Variants in MAP3K1 observed in about 807,000 individuals in gnomAD.
The protein encoded by MAP3K1 is MAP/ERK kinase kinase 1.
Under a neutral mutation model 144.2 loss-of-function variants are expected in MAP3K1, and 36 were observed. That is an observed-to-expected ratio of 0.25 (90% CI 0.19 to 0.33). The LOEUF (loss-of-function observed/expected upper bound fraction) is 0.33. Among genes scored for constraint, MAP3K1 ranks in the 10% least tolerant of loss-of-function variants. MAP3K1 has a pLI of 1.00. For synonymous variants in MAP3K1, 718 were observed against 688.7 expected (o/e 1.04, Z -0.67); for missense variants, 1,650 against 1,881.9 (o/e 0.88, Z 2.28).
chr5:56,893,525 C>G lies in MAP3K1; in HGVS notation c.4390-6C>G. The G allele has an allele frequency of 6.2e-7, 1 of 1,613,726 alleles. No individual in the cohort carries two copies. Among genetic ancestry groups the G allele is most frequent in the Non-Finnish European group, 8.5e-7 (1 of 1,179,724 alleles). ...CAAAGCTTCAACACTGGCTTTTTCT[C>G]CACAGATTGCTAGTGCAACTACTGC... On this transcript the variant is annotated splice_region_variant and splice_polypyrimidine_tract_variant and intron_variant, in intron 19 of 19. Transcript: ENST00000399503.
intron 1 of MAP3K1, among the ~76,000 whole-genome samples, chr5:56,841,135 C>T (rs1263766291): frequency 6.6e-6 from 1 of 150,738 alleles, no homozygotes; most frequent in Non-Finnish European, 1.5e-5. Flanking sequence ...GAGGCCAAGG[C>T]AGGCAGATCA....
chr5:56,820,980 G>A (rs1201170683), intron 1 of MAP3K1, among the ~76,000 whole-genome samples: 4 of 151,968 alleles, frequency 2.6e-5, no homozygotes, highest in African/African-American at 9.7e-5. Flanking sequence ...TTTCTTCCAA[G>A]GGAAAATTAA....
Position 56,881,144 on chromosome 5 carries a change from A to C in MAP3K1, c.2241A>C (p.Glu747Asp). Residue 747 changes from glutamate to aspartate, a missense_variant, in exon 13 of 20, where the codon GAA becomes GAC. Transcript: ENST00000399503. ...ATTGTATTCTTGGAAACCAAACTGA[A>C]TCAAACAATTGGCAAGAACTTCTTG... ...VLNCILGNQT[E>D]SNNWQELLGR... The C allele has an allele frequency of 6.2e-7, 1 of 1,613,884 alleles. No homozygotes were observed. The highest frequency in any genetic ancestry group is 1.1e-5 in the South Asian group (1 of 91,068).
intron 1 of MAP3K1, among the ~76,000 whole-genome samples, chr5:56,850,165 A>AGGTC (rs1208671229): frequency 6.6e-6 from 1 of 152,180 alleles, no homozygotes; most frequent in Admixed American, 6.5e-5. Context: ...TTGTTTTGGA[A>AGGTC]GGTCGTTCCT....
At position 56,861,590 on chromosome 5, in the gene MAP3K1, A is replaced by AGG. The variant is rs149128894; in HGVS notation, c.834+1678_834+1679dup. On this transcript the variant is annotated intron_variant, in intron 3 of 19. Coordinates refer to ENST00000399503, the MANE Select transcript of MAP3K1 (RefSeq NM_005921.2). Reference sequence around the variant, plus strand: ...TCCTAAAAAAAAAAAAAAAAAAAAAAGGGGCTATTAAAATACTCCTTCCTT... The same window carrying AGG: ...TCCTAAAAAAAAAAAAAAAAAAAAAAGGGGGGCTATTAAAATACTCCTTCCTT... Among the ~76,000 whole-genome samples the AGG allele has an allele frequency of 3.3e-3, 444 of 134,444 alleles. 16 individuals carry two copies. Among genetic ancestry groups the AGG allele is most frequent in the African/African-American group, 8.0e-3 (268 of 33,342 alleles). The allele number at this position is 134,444 out of a possible 152,430, so 88.2% of individuals were successfully genotyped here.
At chr5:56,825,393 G>T (rs188841889) in intron 1 of MAP3K1, among the ~76,000 whole-genome samples, 1 of 152,170 alleles carries the variant, frequency 6.6e-6, no homozygotes, top group Non-Finnish European at 1.5e-5. Context: ...GGAAGAAAAG[G>T]ATTTGTTAAG....
rs1213241447 is a variant in MAP3K1 at position 56,835,379 on chromosome 5, AAGGCAGGGAAGAGGAGACAAGG to A, written c.482+19338_482+19359del. On this transcript the variant is annotated intron_variant, in intron 1 of 19. Coordinates refer to ENST00000399503, the MANE Select transcript of MAP3K1 (RefSeq NM_005921.2). ...AGGAAGGCAGGGAAGAGGAGACAGG[AAGGCAGGGAAGAGGAGACAAGG>A]AGGCAGGGAAGAGTTGACAGGAAGG... Among the ~76,000 whole-genome samples the A allele has an allele frequency of 1.9e-3, 244 of 129,054 alleles. 2 individuals are homozygous for A. Among genetic ancestry groups the A allele is most frequent in the African/African-American group, 7.7e-3 (230 of 29,960 alleles). The allele number at this position is 129,054 out of a possible 152,430, so 84.7% of individuals were successfully genotyped here.
rs936611106 is a variant in MAP3K1 at position 56,815,915 on chromosome 5, C to T, written c.342C>T (p.His114=). ...AGCCTGTGGCGGTGCCGCCGCCCCA[C>T]GGAGCCGCGAGCCGCGGCGGCGCCC... ...GFQPVAVPPP[H]GAASRGGAHL... is the part of the protein sequence containing the mutation. Residue 114 remains histidine, a synonymous_variant, in exon 1 of 20, where the codon CAC becomes CAT. Coordinates refer to ENST00000399503, the MANE Select transcript of MAP3K1 (RefSeq NM_005921.2). 6.2e-6 allele frequency: 8 copies of T among 1,284,782 alleles called. No homozygotes were observed. The highest frequency in any genetic ancestry group is 4.1e-5 in the Admixed American group (1 of 24,634). 79.6% of individuals were successfully genotyped at this position (1,284,782 alleles called of 1,614,324 possible).
In MAP3K1 at chr5:56,882,650, G is replaced by A. The variant is rs1158294102; in HGVS notation, c.3450G>A (p.Lys1150=). 6.2e-7 allele frequency: 1 copy of A among 1,614,010 alleles called. No individual in the cohort carries two copies. The highest frequency in any genetic ancestry group is 1.1e-5 in the South Asian group (1 of 91,082). Reference sequence around the variant, plus strand: ...CAAGTGATACAACAGTAACTTTTAAGTCAGAAGTTGCTGTCCTGTCTCCTG... The same window carrying A: ...CAAGTGATACAACAGTAACTTTTAAATCAGAAGTTGCTGTCCTGTCTCCTG... The part of the protein sequence containing the change: ...MPSSDTTVTF[K]SEVAVLSPEK... Residue 1150 remains lysine, a synonymous_variant, in exon 14 of 20, where the codon AAG becomes AAA. Coordinates refer to ENST00000399503, the MANE Select transcript of MAP3K1 (RefSeq NM_005921.2).
chr5:56,886,205 AC>A, intron 17 of MAP3K1, 142 bp downstream of exon 17: 1 of 658,536 alleles, frequency 1.5e-6, no homozygotes, highest in Non-Finnish European at 2.7e-6. Context: ...GGAGCTCGAG[AC>A]CAGCCAGGCC....
At chr5:56,819,861 A>G (rs1269309408) in intron 1 of MAP3K1, among the ~76,000 whole-genome samples, 1 of 152,220 alleles carries the variant, frequency 6.6e-6, no homozygotes, top group Admixed American at 6.5e-5. Context: ...AAACATGTAA[A>G]TGGTAGACTA....
At chr5:56,868,769 G>C (rs559935242) in intron 6 of MAP3K1, among the ~76,000 whole-genome samples, 1 of 152,192 alleles carries the variant, frequency 6.6e-6, no homozygotes, top group East Asian at 1.9e-4. Flanking sequence ...TATCTAGTCA[G>C]TGGAAAATTA....
At chr5:56,860,056 T>A in intron 3 of MAP3K1, 141 bp downstream of exon 3, 1 of 767,068 alleles carries the variant, frequency 1.3e-6, no homozygotes, top group Non-Finnish European at 2.2e-6. Context: ...GGGGGGTGGT[T>A]CCTGAGACCC....
rs1748230365 is a variant in MAP3K1, at chr5:56,882,049, A to G, written c.2849A>G (p.Glu950Gly). The G allele has an allele frequency of 6.2e-7, 1 of 1,613,826 alleles. No homozygotes were observed. Among genetic ancestry groups the G allele is most frequent in the African/African-American group, 1.3e-5 (1 of 74,998 alleles). ...SSTTTTTTTT[E>G]QPKPMVQTKG... ...ACAACAACAACAACAACAACAACAGAGCAACCAAAGCCAATGGTTCAAACA... is the reference window on the plus strand; with the variant it reads ...ACAACAACAACAACAACAACAACAGGGCAACCAAAGCCAATGGTTCAAACA... Residue 950 changes from glutamate to glycine, a missense_variant, in exon 14 of 20, where the codon GAG becomes GGG. Physicochemically the swap from Glu to Gly is moderately conservative, Grantham distance 98. This residue lies in a region of MAP3K1 where 841 missense variants were observed against 886.5 expected (regional missense o/e 0.95). Coordinates refer to ENST00000399503, the MANE Select transcript of MAP3K1 (RefSeq NM_005921.2).
intron 1 of MAP3K1, among the ~76,000 whole-genome samples, chr5:56,826,714 C>T (rs1402692969): frequency 6.6e-6 from 1 of 152,238 alleles, no homozygotes; most frequent in African/African-American, 2.4e-5. Flanking sequence ...TCACTCACAT[C>T]CCTTTTTGTG....
chr5:56,820,498 C>G (rs2111745211), intron 1 of MAP3K1: 2 of 985,016 alleles, frequency 2.0e-6, no homozygotes, highest in Non-Finnish European at 2.4e-6. Context: ...TTTCTGTAAC[C>G]TGGCCTTGTA....
In MAP3K1 at chr5:56,882,552, G is replaced by A; in HGVS notation, c.3352G>A (p.Glu1118Lys). The change falls in exon 14 of 20, where the codon GAG becomes AAG. Residue 1118 changes from glutamate to lysine, a missense_variant. Physicochemically the swap from Glu to Lys is moderately conservative, Grantham distance 56. Around this residue, in one of 6 missense-constraint regions of MAP3K1, gnomAD observed 841 missense variants for 886.5 expected, o/e 0.95. Coordinates refer to ENST00000399503, the MANE Select transcript of MAP3K1 (RefSeq NM_005921.2). ...SDETVFTPVE[E>K]KCRLDVNTEL... ...CGAGACAGTGTTCACCCCAGTAGAGGAGAAATGCAGATTAGATGTCAATAC... is the reference window on the plus strand; with the variant it reads ...CGAGACAGTGTTCACCCCAGTAGAGAAGAAATGCAGATTAGATGTCAATAC... 1.2e-6 allele frequency: 2 copies of A among 1,614,136 alleles called. No individual in the cohort carries two copies. The highest frequency in any genetic ancestry group is 1.7e-6 in the Non-Finnish European group (2 of 1,180,008).
At chr5:56,858,555 TTTTG>T (rs1747408033) in intron 2 of MAP3K1, among the ~76,000 whole-genome samples, 2 of 152,216 alleles carry the variant, frequency 1.3e-5, no homozygotes, top group African/African-American at 2.4e-5. Context: ...GGAGGTCTGA[TTTTG>T]TTTGTTTTTA....
rs1208815020 is a variant in MAP3K1 at position 56,815,786 on chromosome 5, C to T, written c.213C>T (p.Asp71=). 8 of 1,420,942 alleles carry T rather than the reference C, an allele frequency of 5.6e-6. No individual in the cohort carries two copies. Among genetic ancestry groups the T allele is most frequent in the South Asian group, 1.4e-5 (1 of 71,556 alleles). 88.0% of individuals were successfully genotyped at this position (1,420,942 alleles called of 1,614,324 possible). Residue 71 remains aspartate, a synonymous_variant, in exon 1 of 20, where the codon GAC becomes GAT. Transcript: ENST00000399503. ...GCAAAGTGCGGAGTGTGGAGCTGGA[C>T]CAGCTGCCTGAGCAGCCGCTCTTCC... ...QLRKVRSVEL[D]QLPEQPLFLA...
Sources: gnomAD v4.1 joint callset for allele counts (sites outside exome capture counted in the v4.1 genomes callset) on GRCh38, gnomAD v4.1.1 for gene constraint, gnomAD v4.1.1 regional missense constraint, MANE v1.5 for transcripts, NCBI Gene and HGNC (gene_info 2026-07-23, HGNC 2026-07-21) for gene names.